Variants in GNAT3 observed in about 807,000 individuals in gnomAD.
GNAT3 encodes G protein subunit alpha transducin 3.
A neutral mutation model predicts 37.7 loss-of-function variants in GNAT3; 31 were observed. The ratio of observed to expected loss-of-function variants is 0.82; its 90% CI spans 0.62 to 1.11. The LOEUF (loss-of-function observed/expected upper bound fraction) is 1.11, where lower values mean the gene tolerates loss of function less well. GNAT3 is among the 50% of genes most tolerant of loss of function. The pLI, the probability that GNAT3 is intolerant of heterozygous loss-of-function variation, is 0.00. For synonymous variants in GNAT3, 138 were observed against 139.8 expected, an observed-to-expected ratio of 0.99 and a Z score of 0.09; for missense variants, 437 against 412.5, an observed-to-expected ratio of 1.06 and a Z score of -0.51.
chr7:80,509,384 A>G (rs7786144), intron 1 of GNAT3, among the ~76,000 whole-genome samples: 1 of 151,958 alleles, frequency 6.6e-6, no homozygotes, highest in African/African-American at 2.4e-5. Flanking sequence ...TTTTGTATAA[A>G]TAAAATGTGA....
chr7:80,463,573 C>T (rs1790087211), intron 5 of GNAT3, among the ~76,000 whole-genome samples: 1 of 151,964 alleles, frequency 6.6e-6, no homozygotes, highest in Non-Finnish European at 1.5e-5. Flanking sequence ...TTACACCTCT[C>T]TCCACCCTCC....
intron 1 of GNAT3, among the ~76,000 whole-genome samples, chr7:80,511,046 G>C (rs1162748561): frequency 6.6e-6 from 1 of 152,012 alleles, no homozygotes; most frequent in African/African-American, 2.4e-5. Flanking sequence ...TTCTGTTTCA[G>C]TGAAACTGCA....
intron 1 of GNAT3, among the ~76,000 whole-genome samples, chr7:80,502,926 A>G (rs902647343): frequency 6.6e-6 from 1 of 152,120 alleles, no homozygotes; most frequent in East Asian, 1.9e-4. Context: ...TCAAACTTAA[A>G]ATTTCTGCAT....
At chr7:80,506,216 TAG>T (rs1790937102) in intron 1 of GNAT3, among the ~76,000 whole-genome samples, 2 of 152,220 alleles carry the variant, frequency 1.3e-5, no homozygotes, top group African/African-American at 4.8e-5. Flanking sequence ...GTAATATTAC[TAG>T]AGAGCTTGTT....
Position 80,478,942 on chromosome 7 carries a change from T to G in GNAT3, c.360A>C (p.Thr120=). The G allele has an allele frequency of 4.3e-6, 7 of 1,613,176 alleles. No homozygotes were observed. The highest frequency in any genetic ancestry group is 5.9e-6 in the Non-Finnish European group (7 of 1,179,408). Residue 120 remains threonine (T), a synonymous_variant, in exon 4 of 8, where the codon ACA becomes ACC. Coordinates refer to ENST00000398291, the MANE Select transcript of GNAT3 (RefSeq NM_001102386.3). ...GTTTTATTACCTCAGCCAGTTGAGG[T>G]GTCATGCCACCATCTTCCAGGGTAT... The part of the protein sequence containing the change: ...MANTLEDGGM[T]PQLAEVIKRL...
intron 1 of GNAT3, among the ~76,000 whole-genome samples, chr7:80,511,055 C>T (rs1791056230): frequency 6.6e-6 from 1 of 151,942 alleles, no homozygotes; most frequent in Admixed American, 6.6e-5. Flanking sequence ...AGTGAAACTG[C>T]ATGTAAAATG....
At chr7:80,491,712 A>G (rs551198410) in intron 2 of GNAT3, among the ~76,000 whole-genome samples, 1 of 152,290 alleles carries the variant, frequency 6.6e-6, no homozygotes, top group African/African-American at 2.4e-5. Context: ...TGACATAATA[A>G]ATAATCTTCG....
At chr7:80,510,798 C>T (rs758868308) in intron 1 of GNAT3, among the ~76,000 whole-genome samples, 20 of 151,922 alleles carry the variant, frequency 1.3e-4, no homozygotes, top group Middle Eastern at 3.2e-3. Flanking sequence ...TTAGACACAA[C>T]GAAGGAATAC....
chr7:80,478,041 G>A (rs886565218), intron 4 of GNAT3, among the ~76,000 whole-genome samples: 2 of 152,160 alleles, frequency 1.3e-5, no homozygotes, highest in Non-Finnish European at 2.9e-5. Context: ...TTCCCAAGTA[G>A]CTGGGACTAC....
At chr7:80,480,807 C>T (rs902397711) in intron 3 of GNAT3, among the ~76,000 whole-genome samples, 4 of 152,110 alleles carry the variant, frequency 2.6e-5, no homozygotes, top group African/African-American at 9.7e-5. Context: ...CAGCTTCTTA[C>T]TGCAGCCTGT....
intron 1 of GNAT3, among the ~76,000 whole-genome samples, chr7:80,510,895 A>G (rs1002592508): frequency 5.9e-5 from 9 of 152,288 alleles, no homozygotes; most frequent in African/African-American, 1.4e-4. Context: ...GTTATGTGAA[A>G]TATGCACGAT....
intron 1 of GNAT3, among the ~76,000 whole-genome samples, chr7:80,496,061 G>A (rs1353388555): frequency 6.6e-6 from 1 of 151,968 alleles, no homozygotes; most frequent in Non-Finnish European, 1.5e-5. Context: ...TGTCCCATTG[G>A]CCTATTTTTG....
At chr7:80,488,482 T>C (rs1373551624) in intron 3 of GNAT3, 53 bp downstream of exon 3, 2 of 1,473,686 alleles carry the variant, frequency 1.4e-6, no homozygotes, top group East Asian at 2.3e-5. Flanking sequence ...CCTCTTATTT[T>C]ATGGCTCAAA....
At chr7:80,481,403 T>C (rs1790390592) in intron 3 of GNAT3, among the ~76,000 whole-genome samples, 1 of 152,092 alleles carries the variant, frequency 6.6e-6, no homozygotes, top group African/African-American at 2.4e-5. Context: ...CATTAGGCCC[T>C]CCTCCCTTTG....
chr7:80,487,908 A>G (rs963424481), intron 3 of GNAT3: 3 of 152,182 alleles, frequency 2.0e-5, no homozygotes, highest in Admixed American at 1.3e-4. Flanking sequence ...AAACTTTTAA[A>G]GTAAGTGGAT....
At chr7:80,495,098 C>A (rs561083594) in intron 1 of GNAT3, among the ~76,000 whole-genome samples, 41 of 151,978 alleles carry the variant, frequency 2.7e-4, no homozygotes, top group Admixed American at 5.9e-4. Flanking sequence ...GAGTAGTATT[C>A]AATTATATAT....
At position 80,472,038 on chromosome 7, in the gene GNAT3, C is replaced by T. The variant is rs375327192; in HGVS notation, c.590+2213G>A. Among the ~76,000 whole-genome samples the T allele has an allele frequency of 3.3e-4, 50 of 152,108 alleles. 1 individual carries two copies. The highest frequency in any genetic ancestry group is 1.2e-3 in the African/African-American group (48 of 41,502). On this transcript the variant is annotated intron_variant, in intron 5 of 7. Transcript: ENST00000398291. ...GAAGTAGAGCTATAAATAGACATGG[C>T]CCCTAGCCTCCAGGAGCTCGGGGGC...
At chr7:80,495,785 A>C (rs1056606495) in intron 1 of GNAT3, among the ~76,000 whole-genome samples, 3 of 152,020 alleles carry the variant, frequency 2.0e-5, no homozygotes, top group East Asian at 1.9e-4. Flanking sequence ...GTTTTAATTT[A>C]CATTTCTCTG....
intron 1 of GNAT3, among the ~76,000 whole-genome samples, chr7:80,495,768 C>G (rs912780064): frequency 2.0e-5 from 3 of 151,998 alleles, no homozygotes; most frequent in Admixed American, 2.0e-4. Flanking sequence ...ACCTGGCCTT[C>G]ACTGTAGTTT....
Sources: allele counts gnomAD v4.1 joint callset (sites outside exome capture counted in the v4.1 genomes callset), GRCh38; gene constraint gnomAD v4.1.1; transcripts MANE v1.5; gene names NCBI Gene and HGNC (gene_info 2026-07-23, HGNC 2026-07-21).